The following WWOX variants were observed in gnomAD, a reference collection of about 807,000 sequenced individuals.
WWOX encodes the protein WW domain-containing oxidoreductase.
Under a neutral mutation model 46.2 loss-of-function variants are expected in WWOX, and 69 were observed. The ratio of observed to expected loss-of-function variants is 1.49; its 90% CI spans 1.23 to 1.82. The LOEUF (loss-of-function observed/expected upper bound fraction) is 1.82. Among genes scored for constraint, WWOX ranks in the 40% most tolerant of loss-of-function variants. WWOX has a pLI of 0.00. For synonymous variants in WWOX, 359 were observed against 202.6 expected, an observed-to-expected ratio of 1.77 and a Z score of -6.56; for missense variants, 919 against 542.6, an observed-to-expected ratio of 1.69 and a Z score of -6.89.
chr16:78,507,676 C>G (rs149078514), intron 8 of WWOX, among the ~76,000 whole-genome samples: 1 of 152,122 alleles, frequency 6.6e-6, no homozygotes, highest in Non-Finnish European at 1.5e-5. Flanking sequence ...CAGCATTGCA[C>G]CTCTTGGCAT....
chr16:78,777,323 G>A (rs1395942443), intron 8 of WWOX, among the ~76,000 whole-genome samples: 1 of 152,138 alleles, frequency 6.6e-6, no homozygotes, highest in African/African-American at 2.4e-5. Context: ...TTCTGATGAT[G>A]TTGTCCAGGA....
chr16:78,205,269 AT>A (rs1294533405), intron 5 of WWOX, among the ~76,000 whole-genome samples: 1 of 152,172 alleles, frequency 6.6e-6, no homozygotes, highest in Non-Finnish European at 1.5e-5. Context: ...TTGAAAAGAG[AT>A]GGGGAGTTAG....
chr16:78,817,418 A>G (rs927702132), intron 8 of WWOX, among the ~76,000 whole-genome samples: 3 of 152,196 alleles, frequency 2.0e-5, no homozygotes, highest in Non-Finnish European at 4.4e-5. Context: ...AAGAGCTAAT[A>G]TCTTCAGCTA....
At chr16:78,646,111 C>G (rs1009830206) in intron 8 of WWOX, among the ~76,000 whole-genome samples, 2 of 152,192 alleles carry the variant, frequency 1.3e-5, no homozygotes, top group African/African-American at 2.4e-5. Context: ...TTACATCCCT[C>G]TACAAAGTCC....
intron 5 of WWOX, among the ~76,000 whole-genome samples, chr16:78,358,484 C>T (rs933204964): frequency 2.6e-5 from 4 of 152,090 alleles, no homozygotes; most frequent in Non-Finnish European, 5.9e-5. Flanking sequence ...ATGGTGAAAC[C>T]CTGTCTCTAC....
rs564417099 is a variant in WWOX, at chr16:78,230,990, T to C, written c.516+66701T>C. Among the ~76,000 whole-genome samples the C allele has an allele frequency of 7.9e-5, 12 of 152,380 alleles. No homozygotes were observed. The East Asian group carries it at 2.3e-3, about 29-fold the overall frequency. On this transcript the variant is annotated intron_variant, in intron 5 of 8. Transcript: ENST00000566780. Reference sequence around the variant, plus strand: ...GTATCTTTATCCCTTATTTACGCACTGACTGTGGTACTGAGTCATCCCTGG... The same window carrying C: ...GTATCTTTATCCCTTATTTACGCACCGACTGTGGTACTGAGTCATCCCTGG...
At chr16:78,656,913 G>T (rs979670829) in intron 8 of WWOX, among the ~76,000 whole-genome samples, 5 of 152,190 alleles carry the variant, frequency 3.3e-5, no homozygotes, top group African/African-American at 1.2e-4. Flanking sequence ...AGGGAAGGCT[G>T]TCGATACACC....
At position 79,158,411 on chromosome 16, in the gene WWOX, A is replaced by C. The variant is rs866831236; in HGVS notation, c.1057-53197A>C. Among the ~76,000 whole-genome samples the C allele has an allele frequency of 2.6e-5, 4 of 152,338 alleles. No individual in the cohort carries two copies. In the South Asian group the frequency reaches 6.2e-4, roughly 24 times the overall value. ...TAACACCATTCTGAATTGCAGCTGC[A>C]GGATCACTTGCTTTAGATGGAATCA... On this transcript the variant is annotated intron_variant, in intron 8 of 8. Coordinates refer to ENST00000566780, the MANE Select transcript of WWOX (RefSeq NM_016373.4).
At chr16:78,609,157 T>A (rs548224092) in intron 8 of WWOX, among the ~76,000 whole-genome samples, 5 of 152,364 alleles carry the variant, frequency 3.3e-5, no homozygotes, top group African/African-American at 1.2e-4. Flanking sequence ...TTGAAATCTT[T>A]CTATCCTTTC....
intron 5 of WWOX, among the ~76,000 whole-genome samples, chr16:78,164,857 A>G (rs1444424694): frequency 1.3e-5 from 2 of 152,324 alleles, no homozygotes; most frequent in East Asian, 3.9e-4. Context: ...TAAATAAAGG[A>G]CTGTAAAGCA....
In WWOX at chr16:79,006,488, C is replaced by T. The variant is rs140623737; in HGVS notation, c.1057-205120C>T. ...ACAAAAATTTCTTGAATGCTTTTAG[C>T]CCCTGATCTGAGTTACGCTTTTTTT... On this transcript the variant is annotated intron_variant, in intron 8 of 8. Transcript: ENST00000566780. Among the ~76,000 whole-genome samples the T allele has an allele frequency of 2.7e-3, 411 of 152,152 alleles. 3 individuals are homozygous for T. The highest frequency in any genetic ancestry group is 4.2e-3 in the Non-Finnish European group (286 of 67,998).
intron 8 of WWOX, among the ~76,000 whole-genome samples, chr16:78,578,276 ATATATATATTTTTTTTTTTT>A (rs2044949104): frequency 3.0e-5 from 1 of 32,932 alleles, no homozygotes; most frequent in Admixed American, 3.8e-4. Context: ...ATATATATAT[ATATATATATTTTTTTTTTTT>A]TTTTTTTTTT....
chr16:79,100,745 T>G (rs2049175145), intron 8 of WWOX, among the ~76,000 whole-genome samples: 2 of 152,124 alleles, frequency 1.3e-5, no homozygotes, highest in African/African-American at 4.8e-5. Flanking sequence ...TTAAAATAAT[T>G]CAGGGACTGG....
At chr16:78,682,141 G>A (rs2738624) in intron 8 of WWOX, among the ~76,000 whole-genome samples, 96,557 of 152,082 alleles carry the variant, frequency 0.63, 30,845 homozygotes, top group Middle Eastern at 0.69. Context: ...TGGTGTTACT[G>A]TTATTTTATT....
At chr16:78,289,764 A>G (rs1482838485) in intron 5 of WWOX, among the ~76,000 whole-genome samples, 1 of 152,326 alleles carries the variant, frequency 6.6e-6, no homozygotes, top group East Asian at 1.9e-4. Context: ...ACTGGCTAGG[A>G]TGGTCTGGTC....
At chr16:78,743,592 G>T (rs1370326957) in intron 8 of WWOX, among the ~76,000 whole-genome samples, 1 of 152,102 alleles carries the variant, frequency 6.6e-6, no homozygotes, top group Admixed American at 6.5e-5. Context: ...GTTATAAAAG[G>T]ACCAGAGGCT....
rs369261491 is a variant in WWOX, at chr16:79,163,185, C to T, written c.1057-48423C>T. Among the ~76,000 whole-genome samples the T allele has an allele frequency of 1.3e-4, 20 of 151,928 alleles. No homozygotes were observed. The East Asian group carries it at 2.1e-3, about 16-fold the overall frequency. On this transcript the variant is annotated intron_variant, in intron 8 of 8. Coordinates refer to ENST00000566780, the MANE Select transcript of WWOX (RefSeq NM_016373.4). The stretch of plus-strand genomic sequence containing the variant: ...CTGGGGGAGACACTGTGTATACAAA[C>T]CTAGGAGGGAGAGATTGGGAGGAGG...
intron 8 of WWOX, among the ~76,000 whole-genome samples, chr16:78,903,939 G>C (rs538995486): frequency 6.6e-6 from 1 of 152,094 alleles, no homozygotes; most frequent in African/African-American, 2.4e-5. Context: ...CATTTTCTCC[G>C]GGCCAGCCAC....
chr16:78,745,489 G>C (rs1171607714), intron 8 of WWOX, among the ~76,000 whole-genome samples: 1 of 150,826 alleles, frequency 6.6e-6, no homozygotes, highest in Admixed American at 6.6e-5. Context: ...TAGCGTTTGG[G>C]GGTCACTCCA....
Sources: allele counts gnomAD v4.1 joint callset (sites outside exome capture counted in the v4.1 genomes callset), GRCh38; gene constraint gnomAD v4.1.1; transcripts MANE v1.5; gene names NCBI Gene and HGNC (gene_info 2026-07-23, HGNC 2026-07-21).